WWOX: variants seen among roughly 807,000 people sequenced by gnomAD.
The protein encoded by WWOX is WW domain-containing oxidoreductase.
Under a neutral mutation model 46.2 loss-of-function variants are expected in WWOX, and 69 were observed. The observed-to-expected ratio is 1.49, with a 90% CI of 1.23 to 1.82. The LOEUF (loss-of-function observed/expected upper bound fraction) is 1.82, where lower values mean the gene tolerates loss of function less well. Among genes scored for constraint, WWOX ranks in the 40% most tolerant of loss-of-function variants. WWOX has a pLI of 0.00. For synonymous variants in WWOX, 359 were observed against 202.6 expected (o/e 1.77, Z -6.56); for missense variants, 919 against 542.6 (o/e 1.69, Z -6.89).
In WWOX at chr16:79,066,821, G is replaced by C. The variant is rs75198319; in HGVS notation, c.1057-144787G>C. Among the ~76,000 whole-genome samples the C allele has an allele frequency of 7.9e-5, 12 of 152,326 alleles. 1 individual carries two copies. The South Asian group carries it at 1.0e-3, about 13-fold the overall frequency. On this transcript the variant is annotated intron_variant, in intron 8 of 8. Transcript: ENST00000566780. ...ACGAGGTACCATACAAATGTGGCTT[G>C]TCACCATTTTCCAGTTTAACTTTCT...
At position 78,313,490 on chromosome 16, in the gene WWOX, G is replaced by C. The variant is rs569829045; in HGVS notation, c.517-73370G>C. On this transcript the variant is annotated intron_variant, in intron 5 of 8. Transcript: ENST00000566780. ...AAGCAATTCTCCTGCCTTGGCCCCT[G>C]GAGTAGCTGAGATTACAGGCATGTG... Among the ~76,000 whole-genome samples, 7 of 152,042 alleles carry C rather than the reference G, an allele frequency of 4.6e-5. No individual in the cohort carries two copies. The South Asian group carries it at 6.2e-4, about 14-fold the overall frequency.
chr16:78,858,614 G>C (rs1358562967), intron 8 of WWOX, among the ~76,000 whole-genome samples: 1 of 152,000 alleles, frequency 6.6e-6, no homozygotes, highest in African/African-American at 2.4e-5. Context: ...AGCTGAGAAG[G>C]CTTTGAGGAG....
chr16:78,737,051 G>A (rs916247304), intron 8 of WWOX, among the ~76,000 whole-genome samples: 2 of 151,946 alleles, frequency 1.3e-5, no homozygotes, highest in African/African-American at 2.4e-5. Flanking sequence ...TGGGTTATAT[G>A]TCTATTTTTT....
intron 8 of WWOX, among the ~76,000 whole-genome samples, chr16:78,858,033 A>T (rs1161329132): frequency 5.9e-5 from 9 of 152,202 alleles, no homozygotes; most frequent in African/African-American, 2.2e-4. Flanking sequence ...AATTGATATT[A>T]ATAAAGAGGT....
chr16:78,930,452 T>C (rs2045599587), intron 8 of WWOX, among the ~76,000 whole-genome samples: 1 of 145,158 alleles, frequency 6.9e-6, no homozygotes. Flanking sequence ...TAGCTAATTT[T>C]TTTTTTTTTT....
chr16:78,450,829 A>G (rs1311804317), intron 8 of WWOX, among the ~76,000 whole-genome samples: 9 of 152,214 alleles, frequency 5.9e-5, no homozygotes, highest in Non-Finnish European at 8.8e-5. Context: ...TCTAAGAAAG[A>G]TCATAAGAAG....
intron 8 of WWOX, among the ~76,000 whole-genome samples, chr16:78,631,350 C>G (rs2046424337): frequency 6.6e-6 from 1 of 152,082 alleles, no homozygotes; most frequent in Non-Finnish European, 1.5e-5. Flanking sequence ...CAGAGCTGGA[C>G]AGGTCCAGCA....
chr16:78,755,433 A>G (rs1396317561), intron 8 of WWOX, among the ~76,000 whole-genome samples: 1 of 151,838 alleles, frequency 6.6e-6, no homozygotes. Flanking sequence ...TGTTGGGATG[A>G]TGGGGTCTTG....
At chr16:78,773,806 C>T (rs2050123607) in intron 8 of WWOX, among the ~76,000 whole-genome samples, 1 of 152,180 alleles carries the variant, frequency 6.6e-6, no homozygotes, top group South Asian at 2.1e-4. Flanking sequence ...TCAGGCAGTA[C>T]TTTGCATGTG....
intron 8 of WWOX, among the ~76,000 whole-genome samples, chr16:79,167,153 G>C (rs1258315268): frequency 6.6e-6 from 1 of 152,130 alleles, no homozygotes; most frequent in Admixed American, 6.5e-5. Context: ...TGTTGGCCAA[G>C]CTGATCTGGA....
At chr16:78,314,537 T>G (rs1311454150) in intron 5 of WWOX, among the ~76,000 whole-genome samples, 1 of 149,680 alleles carries the variant, frequency 6.7e-6, no homozygotes, top group Non-Finnish European at 1.5e-5. Flanking sequence ...TTTTTTTTTT[T>G]TTTTGAGTCG....
rs2046889090 is a variant in WWOX at position 78,648,280 on chromosome 16, G to C, written c.1056+215528G>C. On this transcript the variant is annotated intron_variant, in intron 8 of 8. Transcript: ENST00000566780. ...GAGGGGCTGGTTTTTAGATAGTCTG[G>C]AGGCCCTCTGAGAATGCGAGGCCCT... Among the ~76,000 whole-genome samples the C allele has an allele frequency of 1.3e-5, 2 of 152,210 alleles. 1 individual carries two copies. The highest frequency in any genetic ancestry group is 4.1e-4 in the South Asian group (2 of 4,830).
chr16:79,201,711 C>G (rs1281411248), intron 8 of WWOX, among the ~76,000 whole-genome samples: 1 of 143,588 alleles, frequency 7.0e-6, no homozygotes, highest in Non-Finnish European at 1.6e-5. Flanking sequence ...GTGAATGTTG[C>G]TCAGTTACTT....
chr16:78,788,535 A>G (rs1393621089), intron 8 of WWOX, among the ~76,000 whole-genome samples: 1 of 152,222 alleles, frequency 6.6e-6, no homozygotes, highest in Non-Finnish European at 1.5e-5. Flanking sequence ...GAGCTTCCAG[A>G]TAGCTGAAGA....
intron 8 of WWOX, among the ~76,000 whole-genome samples, chr16:78,837,495 C>T (rs976284894): frequency 6.6e-6 from 1 of 152,274 alleles, no homozygotes; most frequent in Non-Finnish European, 1.5e-5. Context: ...GTTCAAAGGC[C>T]TTTGACATCA....
At chr16:78,691,069 T>C (rs2550664) in intron 8 of WWOX, among the ~76,000 whole-genome samples, 1 of 152,208 alleles carries the variant, frequency 6.6e-6, no homozygotes, top group Non-Finnish European at 1.5e-5. Flanking sequence ...CTTCATAAAA[T>C]GTATTAATGA....
intron 8 of WWOX, among the ~76,000 whole-genome samples, chr16:79,066,587 A>T (rs936447650): frequency 6.6e-6 from 1 of 152,190 alleles, no homozygotes; most frequent in Non-Finnish European, 1.5e-5. Flanking sequence ...TATTTCTGAA[A>T]GCTCACCTCT....
chr16:78,399,541 C>T (rs1447937720), intron 6 of WWOX, among the ~76,000 whole-genome samples: 2 of 152,182 alleles, frequency 1.3e-5, no homozygotes, highest in Non-Finnish European at 2.9e-5. Flanking sequence ...CACCTCTCAG[C>T]CCAGTCTATC....
At chr16:78,377,829 C>T (rs1025880323) in intron 5 of WWOX, among the ~76,000 whole-genome samples, 1 of 152,158 alleles carries the variant, frequency 6.6e-6, no homozygotes, top group Admixed American at 6.5e-5. Context: ...AAGCTGTTAT[C>T]TGGTGCAATT....
Sources: gnomAD v4.1 joint callset for allele counts (sites outside exome capture counted in the v4.1 genomes callset) on GRCh38, gnomAD v4.1.1 for gene constraint, MANE v1.5 for transcripts, NCBI Gene and HGNC (gene_info 2026-07-23, HGNC 2026-07-21) for gene names.